HPGDS: variants seen among roughly 807,000 people sequenced by gnomAD.
The protein encoded by HPGDS is GST class-sigma.
A neutral mutation model predicts 23.1 loss-of-function variants in HPGDS; 26 were observed. The ratio of observed to expected loss-of-function variants is 1.13; its 90% CI spans 0.83 to 1.56. The LOEUF (loss-of-function observed/expected upper bound fraction) is 1.56. HPGDS is among the 40% of genes most tolerant of loss of function. The probability of loss-of-function intolerance (pLI) is 0.00; values close to 1 mark genes in which losing one functional copy is unlikely to be tolerated. For synonymous variants in HPGDS, 95 were observed against 77.9 expected, an observed-to-expected ratio of 1.22 and a Z score of -1.16; for missense variants, 268 against 236.4, an observed-to-expected ratio of 1.13 and a Z score of -0.88.
chr4:94,310,612 A>G (rs954238384), intron 3 of HPGDS, among the ~76,000 whole-genome samples: 5 of 152,172 alleles, frequency 3.3e-5, no homozygotes, highest in African/African-American at 1.2e-4. Context: ...TGACTTGGCA[A>G]TGCAGGCTCT....
intron 4 of HPGDS, among the ~76,000 whole-genome samples, chr4:94,307,956 G>A (rs1756169925): frequency 6.6e-6 from 1 of 152,142 alleles, no homozygotes; most frequent in Admixed American, 6.6e-5. Context: ...GGATGACTAT[G>A]TAAGAGAAAA....
At chr4:94,341,208 A>C (rs1006583984) in intron 1 of HPGDS, among the ~76,000 whole-genome samples, 3 of 152,146 alleles carry the variant, frequency 2.0e-5, no homozygotes, top group African/African-American at 7.2e-5. Flanking sequence ...TAACTAATAC[A>C]ATGCTGATTT....
intron 1 of HPGDS, among the ~76,000 whole-genome samples, chr4:94,336,987 C>T (rs1721034291): frequency 6.6e-6 from 1 of 152,080 alleles, no homozygotes; most frequent in African/African-American, 2.4e-5. Flanking sequence ...TTTGTTGCAG[C>T]ACAGTCTCAC....
At chr4:94,329,911 A>G (rs1002015722) in intron 2 of HPGDS, among the ~76,000 whole-genome samples, 5 of 152,358 alleles carry the variant, frequency 3.3e-5, no homozygotes, top group East Asian at 3.9e-4. Flanking sequence ...TGAGGCCTCA[A>G]TGTGATGTGG....
chr4:94,326,604 CATT>C (rs1457234546), intron 2 of HPGDS, among the ~76,000 whole-genome samples: 1 of 152,068 alleles, frequency 6.6e-6, no homozygotes, highest in Non-Finnish European at 1.5e-5. Context: ...TCATTCAGAT[CATT>C]GTCTTCCTGA....
chr4:94,307,979 G>T (rs548691251), intron 4 of HPGDS, among the ~76,000 whole-genome samples: 1 of 152,152 alleles, frequency 6.6e-6, no homozygotes, highest in Non-Finnish European at 1.5e-5. Flanking sequence ...TGTTATTTCA[G>T]GTTGAGATCC....
intron 2 of HPGDS, among the ~76,000 whole-genome samples, chr4:94,322,527 T>C (rs1756535793): frequency 6.6e-6 from 1 of 152,234 alleles, no homozygotes; most frequent in Non-Finnish European, 1.5e-5. Flanking sequence ...CCAGTTCTTC[T>C]AGATTTTCTA....
chr4:94,304,163 A>C (rs1326627096), intron 4 of HPGDS, among the ~76,000 whole-genome samples: 1 of 152,012 alleles, frequency 6.6e-6, no homozygotes, highest in Non-Finnish European at 1.5e-5. Flanking sequence ...TGTTGCTATG[A>C]AAGTTTAACA....
intron 1 of HPGDS, among the ~76,000 whole-genome samples, chr4:94,337,298 T>C (rs1721042717): frequency 6.6e-6 from 1 of 152,076 alleles, no homozygotes; most frequent in South Asian, 2.1e-4. Flanking sequence ...AAGCATTCTA[T>C]ATAAAACTTT....
chr4:94,316,120 T>C (rs1391462346), intron 3 of HPGDS, among the ~76,000 whole-genome samples: 1 of 152,060 alleles, frequency 6.6e-6, no homozygotes, highest in East Asian at 1.9e-4. Flanking sequence ...ATAGAAGAGG[T>C]AAATTCCTTG....
At chr4:94,335,847 T>C (rs973439492) in intron 1 of HPGDS, among the ~76,000 whole-genome samples, 2 of 152,190 alleles carry the variant, frequency 1.3e-5, no homozygotes, top group African/African-American at 4.8e-5. Flanking sequence ...TAAAGAATAT[T>C]AATGGAATAC....
intron 1 of HPGDS, among the ~76,000 whole-genome samples, chr4:94,340,360 A>T (rs1262259720): frequency 7.3e-5 from 2 of 27,382 alleles, no homozygotes; most frequent in Non-Finnish European, 8.4e-5. Context: ...TTTTTTTGAG[A>T]CGGAGTCTCT....
At chr4:94,331,358 A>T (rs1375655740) in intron 2 of HPGDS, among the ~76,000 whole-genome samples, 1 of 152,164 alleles carries the variant, frequency 6.6e-6, no homozygotes, top group Non-Finnish European at 1.5e-5. Context: ...TCGCTAAATC[A>T]TCTTGGTTTC....
chr4:94,312,454 T>C (rs1409503833), intron 3 of HPGDS, among the ~76,000 whole-genome samples: 1 of 152,166 alleles, frequency 6.6e-6, no homozygotes, highest in Non-Finnish European at 1.5e-5. Context: ...CGGTTTTGAG[T>C]GAGTTTCTTA....
rs775200496 is a variant in HPGDS, at chr4:94,302,255, G to T, written c.337-11C>A. On this transcript the variant is annotated splice_polypyrimidine_tract_variant and intron_variant, in intron 4 of 5. Transcript: ENST00000295256. ...ATTGAACATCTGCTCCTAGGAGAAG[G>T]AGAAAATATCACTTTAAGAATAATG... is the stretch of plus-strand genomic sequence containing the variant. 1.3e-6 allele frequency: 2 copies of T among 1,573,150 alleles called. No homozygotes were observed. The highest frequency in any genetic ancestry group is 1.7e-5 in the Admixed American group (1 of 59,086).
chr4:94,312,990 G>A (rs1579432943), intron 3 of HPGDS, among the ~76,000 whole-genome samples: 1 of 151,926 alleles, frequency 6.6e-6, no homozygotes, highest in African/African-American at 2.4e-5. Flanking sequence ...CATTTGCTTG[G>A]TAGATCTTCC....
chr4:94,300,029 T>C (rs934422619), intron 5 of HPGDS, among the ~76,000 whole-genome samples: 2 of 152,238 alleles, frequency 1.3e-5, no homozygotes, highest in Non-Finnish European at 2.9e-5. Context: ...GCAGGATCTA[T>C]TCCAGGTCTA....
At chr4:94,341,102 GT>G (rs1325646621) in intron 1 of HPGDS, among the ~76,000 whole-genome samples, 1 of 151,172 alleles carries the variant, frequency 6.6e-6, no homozygotes, top group Non-Finnish European at 1.5e-5. Flanking sequence ...CTCCCAAAAT[GT>G]TGGGATTACA....
chr4:94,319,490 T>C (rs1756460948), intron 2 of HPGDS, among the ~76,000 whole-genome samples: 1 of 152,214 alleles, frequency 6.6e-6, no homozygotes, highest in African/African-American at 2.4e-5. Context: ...ATCTTTTTAA[T>C]TGGGGAATTT....
Sources: gnomAD v4.1 joint callset for allele counts (sites outside exome capture counted in the v4.1 genomes callset) on GRCh38, gnomAD v4.1.1 for gene constraint, MANE v1.5 for transcripts, NCBI Gene and HGNC (gene_info 2026-07-23, HGNC 2026-07-21) for gene names.